Variants in VAT1L observed in about 807,000 individuals in gnomAD.
The protein encoded by VAT1L is putative NADPH-dependent quinone oxidoreductase VAT1L.
In VAT1L, 34 loss-of-function variants were observed where a neutral mutation model predicts 44.1. That is an observed-to-expected ratio of 0.77 (90% CI 0.59 to 1.03). VAT1L has a LOEUF of 1.03. Ranked by LOEUF, VAT1L falls within the 50% of genes least tolerant of loss-of-function variation. The pLI is 0.00. For missense variants in VAT1L, 615 were observed against 538.8 expected (o/e 1.14, Z -1.40); for synonymous variants, 253 against 202.2 (o/e 1.25, Z -2.13).
chr16:77,840,107 A>G (rs556580492), intron 3 of VAT1L, among the ~76,000 whole-genome samples: 4 of 152,274 alleles, frequency 2.6e-5, no homozygotes, highest in South Asian at 2.1e-4. Context: ...GAGATAATCT[A>G]TGGAATCGTT....
At chr16:77,819,536 C>A (rs1416929404) in intron 2 of VAT1L, among the ~76,000 whole-genome samples, 1 of 152,082 alleles carries the variant, frequency 6.6e-6, no homozygotes, top group East Asian at 1.9e-4. Context: ...TGCCTGCCAC[C>A]ACACCTGGCT....
intron 1 of VAT1L, among the ~76,000 whole-genome samples, chr16:77,797,598 G>A (rs2015961262): frequency 6.6e-6 from 1 of 152,116 alleles, no homozygotes; most frequent in African/African-American, 2.4e-5. Flanking sequence ...TTTGCTAGCT[G>A]GGTGTATATA....
chr16:77,971,663 C>T (rs955821621), intron 7 of VAT1L, among the ~76,000 whole-genome samples, 187 bp from the exon 8 acceptor site: 5 of 152,136 alleles, frequency 3.3e-5, no homozygotes, highest in African/African-American at 1.2e-4. Context: ...TGCACAAGAT[C>T]AGTGTGTGTG....
intron 7 of VAT1L, among the ~76,000 whole-genome samples, chr16:77,952,444 C>T (rs1487976739): frequency 6.6e-6 from 1 of 152,052 alleles, no homozygotes; most frequent in East Asian, 1.9e-4. Context: ...GGGGCCCCTC[C>T]TCCCTGTGAC....
intron 4 of VAT1L, among the ~76,000 whole-genome samples, chr16:77,871,423 A>G (rs2017031587): frequency 6.6e-6 from 1 of 152,184 alleles, no homozygotes; most frequent in Non-Finnish European, 1.5e-5. Flanking sequence ...GTTAAGCCCA[A>G]GAAAGCACCC....
chr16:77,964,448 C>G (rs1230533364), intron 7 of VAT1L, among the ~76,000 whole-genome samples: 2 of 151,986 alleles, frequency 1.3e-5, no homozygotes, highest in East Asian at 1.9e-4. Context: ...GGCATCACTC[C>G]AAACTCTGCT....
chr16:77,879,314 C>CGCTGTCTCAAA lies in VAT1L; in HGVS notation c.882+90_882+91insGCTGTCTCAAA. The CGCTGTCTCAAA allele has an allele frequency of 1.4e-6, 2 of 1,423,204 alleles. No individual in the cohort carries two copies. Among genetic ancestry groups the CGCTGTCTCAAA allele is most frequent in the Non-Finnish European group, 2.0e-6 (2 of 1,009,036 alleles). The allele number at this position is 1,423,204 out of a possible 1,614,324, so 88.2% of individuals were successfully genotyped here. A position where few individuals can be genotyped will look rare whatever the true frequency, so the allele number is the denominator to read the frequency against. On this transcript the variant is annotated intron_variant, in intron 6 of 8. Coordinates refer to ENST00000302536, the MANE Select transcript of VAT1L (RefSeq NM_020927.3). The surrounding 1 kb of genome is among the most constrained non-coding windows in gnomAD (Gnocchi z 4.1). ...TTTTGTTTGTTTGTTTGTTTTGAGA[C>CGCTGTCTCAAA]AGCGTCTCGTTCTGTCACCAGGCTG...
chr16:77,805,234 G>A (rs2016134534), intron 1 of VAT1L, among the ~76,000 whole-genome samples: 1 of 152,254 alleles, frequency 6.6e-6, no homozygotes, highest in African/African-American at 2.4e-5. Flanking sequence ...CCTTGCTTTG[G>A]TCACTGTGAG....
intron 7 of VAT1L, among the ~76,000 whole-genome samples, chr16:77,941,830 C>G (rs926763911): frequency 2.6e-5 from 4 of 152,068 alleles, no homozygotes; most frequent in Non-Finnish European, 4.4e-5. Context: ...CTCAGGTGAT[C>G]CACCTGCCTC....
intron 3 of VAT1L, among the ~76,000 whole-genome samples, chr16:77,841,420 A>G (rs377271285): frequency 6.6e-6 from 1 of 152,224 alleles, no homozygotes; most frequent in African/African-American, 2.4e-5. Context: ...AAATGTTCAT[A>G]TATAACTCTC....
chr16:77,848,677 C>T (rs192286725), intron 3 of VAT1L, among the ~76,000 whole-genome samples: 257 of 152,208 alleles, frequency 1.7e-3, no homozygotes, highest in African/African-American at 5.9e-3. Context: ...ATCCAGTAAA[C>T]GTGATCAGGG....
intron 7 of VAT1L, among the ~76,000 whole-genome samples, chr16:77,929,342 A>G (rs1475889124): frequency 6.6e-6 from 1 of 152,180 alleles, no homozygotes; most frequent in Non-Finnish European, 1.5e-5. Context: ...ACTGGTAGAA[A>G]GAGGAGTTAT....
intron 7 of VAT1L, among the ~76,000 whole-genome samples, chr16:77,926,993 G>A (rs1445913905): frequency 6.6e-6 from 1 of 152,148 alleles, no homozygotes; most frequent in Non-Finnish European, 1.5e-5. Flanking sequence ...GGTTAGGAAT[G>A]TAGAAGACAA....
Position 77,825,228 on chromosome 16 carries a change from G to C in VAT1L, c.364-18G>C. ...TCATGAGGTAGCCTCCACTAACTCT[G>C]TGTTTCCCCATGCCCAGATTGGAGA... is the stretch of plus-strand genomic sequence containing the variant. On this transcript the variant is annotated intron_variant, in intron 2 of 8. Transcript: ENST00000302536. 1 of 1,613,706 alleles carries C rather than the reference G, an allele frequency of 6.2e-7. No homozygotes were observed. The highest frequency in any genetic ancestry group is 8.5e-7 in the Non-Finnish European group (1 of 1,179,918).
intron 7 of VAT1L, among the ~76,000 whole-genome samples, chr16:77,949,143 A>C (rs752880956): frequency 2.6e-5 from 4 of 152,184 alleles, no homozygotes; most frequent in Admixed American, 6.5e-5. Flanking sequence ...CTAGAAAAAG[A>C]ATACTGTAGG....
At chr16:77,817,283 C>T (rs566171653) in intron 2 of VAT1L, among the ~76,000 whole-genome samples, 1 of 152,230 alleles carries the variant, frequency 6.6e-6, no homozygotes, top group South Asian at 2.1e-4. Context: ...AATCTTGTCT[C>T]CCCCTTCATT....
At chr16:77,810,187 A>G (rs1236407091) in intron 1 of VAT1L, among the ~76,000 whole-genome samples, 1 of 152,192 alleles carries the variant, frequency 6.6e-6, no homozygotes, top group Non-Finnish European at 1.5e-5. Context: ...ACTCTGTCTC[A>G]TTTAGCAAAA....
At chr16:77,909,983 T>A (rs2017481625) in intron 7 of VAT1L, among the ~76,000 whole-genome samples, 1 of 152,216 alleles carries the variant, frequency 6.6e-6, no homozygotes. Flanking sequence ...TTCAAGAATG[T>A]GACAACAGCC....
intron 1 of VAT1L, among the ~76,000 whole-genome samples, chr16:77,794,321 C>T (rs1242438372): frequency 6.6e-6 from 1 of 152,042 alleles, no homozygotes; most frequent in Admixed American, 6.6e-5. Flanking sequence ...TGTTTATGCA[C>T]CACATCCATT....
Sources: gnomAD v4.1 joint callset for allele counts (sites outside exome capture counted in the v4.1 genomes callset) on GRCh38, gnomAD v4.1.1 for gene constraint, Gnocchi (gnomAD v3.1) non-coding constraint, MANE v1.5 for transcripts, NCBI Gene and HGNC (gene_info 2026-07-23, HGNC 2026-07-21) for gene names.